Variants in ASPRV1 observed in about 807,000 individuals in gnomAD.
ASPRV1 encodes the protein aspartic peptidase retroviral like 1.
In ASPRV1, 7 loss-of-function variants were observed where a neutral mutation model predicts 11.0. That is an observed-to-expected ratio of 0.64 (90% CI 0.36 to 1.20). The LOEUF is 1.20. Ranked by LOEUF, ASPRV1 falls within the 50% of genes most tolerant of loss-of-function variation. The pLI, the probability that ASPRV1 is intolerant of heterozygous loss-of-function variation, is 0.02. For missense variants in ASPRV1, 299 were observed against 320.0 expected (o/e 0.93, Z 0.50); for synonymous variants, 136 against 138.4 (o/e 0.98, Z 0.12).
chr2:69,973,594 C>T, the ASPRV1 span, among the ~76,000 whole-genome samples: 19 of 152,188 alleles, frequency 1.2e-4, no homozygotes, highest in Admixed American at 1.0e-3. Context: ...GCAATCCTCC[C>T]GCCTGGACCT....
the ASPRV1 span, among the ~76,000 whole-genome samples, chr2:70,063,284 T>C: frequency 6.6e-6 from 1 of 152,204 alleles, no homozygotes; most frequent in African/African-American, 2.4e-5. Flanking sequence ...GAAACCTTGA[T>C]GCCCACTCCT....
chr2:69,981,620 G>C, the ASPRV1 span, among the ~76,000 whole-genome samples: 6 of 152,156 alleles, frequency 3.9e-5, no homozygotes, highest in African/African-American at 1.2e-4. Context: ...GCAGTGGCGC[G>C]ATCTCGGCTC....
the ASPRV1 span, among the ~76,000 whole-genome samples, chr2:70,061,549 T>C: frequency 1.3e-5 from 2 of 151,954 alleles, no homozygotes; most frequent in African/African-American, 4.8e-5. Flanking sequence ...CAGATGAAGG[T>C]GCCAGCAGTA....
In ASPRV1 at chr2:69,961,047, C is replaced by T; in HGVS notation, c.390G>A (p.Gly130=). Residue 130 remains glycine, a synonymous_variant, in exon 1 of 1, where the codon GGG becomes GGA. Transcript: ENST00000320256. ...TTGGGTGGACCACAGAGACCTGGGCCCCAGAGTCCACCAGGAACCTCACGG... is the reference window on the plus strand; with the variant it reads ...TTGGGTGGACCACAGAGACCTGGGCTCCAGAGTCCACCAGGAACCTCACGG... The part of the protein sequence containing the change: ...KVPVRFLVDS[G]AQVSVVHPNL... 6.2e-7 allele frequency: 1 copy of T among 1,614,034 alleles called. No individual in the cohort carries two copies. Among genetic ancestry groups the T allele is most frequent in the South Asian group, 1.1e-5 (1 of 91,078 alleles).
At chr2:69,953,452 A>G in the ASPRV1 span, among the ~76,000 whole-genome samples, 93 of 152,326 alleles carry the variant, frequency 6.1e-4, no homozygotes, top group African/African-American at 2.2e-3. Context: ...ATGGCACAGA[A>G]AGCAGCACAA....
At chr2:69,943,851 C>T in the ASPRV1 span, among the ~76,000 whole-genome samples, 1 of 152,136 alleles carries the variant, frequency 6.6e-6, no homozygotes, top group East Asian at 1.9e-4. Context: ...AGCACTTTTT[C>T]GGAGTCAAGA....
chr2:70,027,786 G>A, the ASPRV1 span, among the ~76,000 whole-genome samples: 7 of 152,160 alleles, frequency 4.6e-5, no homozygotes, highest in Admixed American at 3.9e-4. Flanking sequence ...GCACACAAGG[G>A]TGACTACAGT....
the ASPRV1 span, among the ~76,000 whole-genome samples, chr2:70,036,447 T>C: frequency 6.6e-6 from 1 of 152,088 alleles, no homozygotes; most frequent in Non-Finnish European, 1.5e-5. Flanking sequence ...GGTGGGATTA[T>C]AAAGAAATGG....
the ASPRV1 span, among the ~76,000 whole-genome samples, chr2:69,968,769 G>A: frequency 6.6e-6 from 1 of 152,140 alleles, no homozygotes; most frequent in Admixed American, 6.5e-5. Context: ...CCTGAGTCTT[G>A]GGCACTGGAA....
the ASPRV1 span, among the ~76,000 whole-genome samples, chr2:69,944,807 C>T: frequency 2.5e-3 from 383 of 152,008 alleles, 2 homozygotes; most frequent in South Asian, 0.012. Flanking sequence ...AAGGACCCCC[C>T]CTCCTCTACT....
At chr2:69,982,603 G>A in the ASPRV1 span, among the ~76,000 whole-genome samples, 9 of 152,160 alleles carry the variant, frequency 5.9e-5, no homozygotes, top group South Asian at 2.1e-4. Flanking sequence ...AGAGGTTGGC[G>A]GCAACTGGTG....
chr2:69,940,756 C>T, the ASPRV1 span: 1 of 152,598 alleles, frequency 6.6e-6, no homozygotes, highest in Admixed American at 6.5e-5. Context: ...TTAGACATTA[C>T]TTTCAAAGCT....
chr2:70,076,112 C>T, the ASPRV1 span, among the ~76,000 whole-genome samples: 2 of 152,046 alleles, frequency 1.3e-5, no homozygotes, highest in Admixed American at 1.3e-4. Context: ...AGAGAATAAT[C>T]GAGGCACATG....
the ASPRV1 span, among the ~76,000 whole-genome samples, chr2:70,082,469 G>C: frequency 6.6e-6 from 1 of 152,098 alleles, no homozygotes; most frequent in African/African-American, 2.4e-5. Context: ...CCAGAACTTT[G>C]GGAGGCCGGG....
At chr2:69,959,852 A>G (rs1353706813), downstream of ASPRV1, among the ~76,000 whole-genome samples, 1 of 152,228 alleles carries the variant, frequency 6.6e-6, no homozygotes, top group Non-Finnish European at 1.5e-5. Flanking sequence ...ATGCTAAAAT[A>G]CTACAGATTG....
chr2:69,984,715 G>C, the ASPRV1 span, among the ~76,000 whole-genome samples: 2 of 148,232 alleles, frequency 1.3e-5, no homozygotes, highest in Non-Finnish European at 3.0e-5. Context: ...CTATCTCCCA[G>C]GTTCAAGCGA....
At chr2:69,965,797 C>A (rs938518371), upstream of ASPRV1, among the ~76,000 whole-genome samples, 4 of 152,184 alleles carry the variant, frequency 2.6e-5, no homozygotes, top group Non-Finnish European at 5.9e-5. Flanking sequence ...TTGACTGGAC[C>A]CCCATCTTGG....
the ASPRV1 span, among the ~76,000 whole-genome samples, chr2:70,065,650 G>A: frequency 2.7e-5 from 4 of 150,730 alleles, no homozygotes; most frequent in Admixed American, 6.6e-5. Context: ...GTGAGACCTC[G>A]TTTCTACAAA....
chr2:70,011,037 T>C, the ASPRV1 span, among the ~76,000 whole-genome samples: 1 of 152,232 alleles, frequency 6.6e-6, no homozygotes, highest in Admixed American at 6.5e-5. Context: ...TGTTCTCACT[T>C]ACAAGTGGGA....
Sources: allele counts gnomAD v4.1 joint callset (sites outside exome capture counted in the v4.1 genomes callset), GRCh38; gene constraint gnomAD v4.1.1; transcripts MANE v1.5; gene names NCBI Gene and HGNC (gene_info 2026-07-23, HGNC 2026-07-21).